FBXO42: variants seen among roughly 807,000 people sequenced by gnomAD.
The protein encoded by FBXO42 is F-box only protein 42.
Under a neutral mutation model 71.7 loss-of-function variants are expected in FBXO42, and 12 were observed. The observed-to-expected ratio is 0.17, with a 90% confidence interval of 0.11 to 0.27. The LOEUF (loss-of-function observed/expected upper bound fraction) is 0.27, where lower values mean the gene tolerates loss of function less well. FBXO42 is among the 10% of genes least tolerant of loss of function. The probability of loss-of-function intolerance (pLI) is 1.00; values close to 1 mark genes in which losing one functional copy is unlikely to be tolerated. For missense variants in FBXO42, 707 were observed against 911.9 expected, an observed-to-expected ratio of 0.78 and a Z score of 2.89; for synonymous variants, 325 against 327.5, an observed-to-expected ratio of 0.99 and a Z score of 0.08.
At chr1:16,333,764 T>C (rs1167677506) in intron 1 of FBXO42, among the ~76,000 whole-genome samples, 3 of 152,142 alleles carry the variant, frequency 2.0e-5, no homozygotes, top group Admixed American at 6.6e-5. Flanking sequence ...AATGTGAAAA[T>C]TGCCAATACC....
intron 1 of FBXO42, among the ~76,000 whole-genome samples, chr1:16,325,299 A>AT (rs1446075002): frequency 1.3e-5 from 2 of 151,978 alleles, no homozygotes; most frequent in East Asian, 1.9e-4. Flanking sequence ...TAAAAAACAC[A>AT]TTTTTTACCC....
At chr1:16,329,743 T>G (rs1475274871) in intron 1 of FBXO42, among the ~76,000 whole-genome samples, 2 of 150,424 alleles carry the variant, frequency 1.3e-5, no homozygotes, top group African/African-American at 4.9e-5. Context: ...AGGTCAGGAG[T>G]TTGAGACCAG....
chr1:16,332,790 C>T (rs971504134), intron 1 of FBXO42, among the ~76,000 whole-genome samples: 1 of 152,144 alleles, frequency 6.6e-6, no homozygotes, highest in African/African-American at 2.4e-5. Flanking sequence ...ATATGCCTGC[C>T]TCGGCCTCCC....
intron 3 of FBXO42, among the ~76,000 whole-genome samples, chr1:16,298,149 C>G (rs992056456): frequency 6.6e-6 from 1 of 152,068 alleles, no homozygotes; most frequent in Non-Finnish European, 1.5e-5. Flanking sequence ...TCGCTCGAAC[C>G]CGGGAGGTGG....
intron 1 of FBXO42, among the ~76,000 whole-genome samples, chr1:16,347,720 T>C (rs1467917861): frequency 6.6e-6 from 1 of 152,108 alleles, no homozygotes; most frequent in Non-Finnish European, 1.5e-5. Flanking sequence ...GCAGGCACAG[T>C]GGCTCACGCC....
At chr1:16,253,375 T>C (rs1428278657) in intron 7 of FBXO42, 5 of 594,870 alleles carry the variant, frequency 8.4e-6, no homozygotes, top group South Asian at 2.2e-5. Context: ...AATATTAACA[T>C]GAATGTCAAC....
intron 2 of FBXO42, among the ~76,000 whole-genome samples, chr1:16,313,362 AAGAAAGAAAG>A (rs1286065895): frequency 7.3e-6 from 1 of 136,524 alleles, no homozygotes; most frequent in Non-Finnish European, 1.7e-5. Context: ...GAAAGAAAGA[AAGAAAGAAAG>A]AGAAAAGAAA....
At chr1:16,270,217 G>A (rs910114941) in intron 4 of FBXO42, among the ~76,000 whole-genome samples, 1 of 152,030 alleles carries the variant, frequency 6.6e-6, no homozygotes, top group Non-Finnish European at 1.5e-5. Context: ...ATCCAGGAAC[G>A]AATTAATCCA....
chr1:16,331,483 G>A (rs761701231), intron 1 of FBXO42, among the ~76,000 whole-genome samples: 5 of 151,476 alleles, frequency 3.3e-5, no homozygotes, highest in Non-Finnish European at 4.4e-5. Flanking sequence ...GGCTTGGTGC[G>A]GTGGCTCATG....
rs1193278764 is a variant in FBXO42, at chr1:16,313,370, A to AAGAG, written c.250+1795_250+1798dup. On this transcript the variant is annotated intron_variant, in intron 2 of 9. Coordinates refer to ENST00000375592, the MANE Select transcript of FBXO42 (RefSeq NM_018994.3). ...AAAGAAAGAAAGAAAGAAAGAAAGA[A>AAGAG]AGAGAAAAGAAAGAAAACCAAAATA... Among the ~76,000 whole-genome samples, 449 of 146,564 alleles carry AAGAG rather than the reference A, an allele frequency of 3.1e-3. 3 individuals carry two copies. Among genetic ancestry groups the AAGAG allele is most frequent in the Non-Finnish European group, 4.4e-3 (291 of 65,822 alleles).
intron 1 of FBXO42, among the ~76,000 whole-genome samples, chr1:16,344,472 C>A (rs1243896385): frequency 1.0e-4 from 15 of 147,666 alleles, no homozygotes; most frequent in Non-Finnish European, 1.2e-4. Flanking sequence ...GCACATACCA[C>A]CACACCCAGC....
chr1:16,286,917 C>T (rs2082027627), intron 4 of FBXO42, among the ~76,000 whole-genome samples: 1 of 152,148 alleles, frequency 6.6e-6, no homozygotes, highest in Non-Finnish European at 1.5e-5. Context: ...TCAAATCCAC[C>T]CAGTTCTTAC....
intron 4 of FBXO42, among the ~76,000 whole-genome samples, chr1:16,266,000 C>T (rs1163347493): frequency 1.3e-5 from 2 of 151,768 alleles, no homozygotes; most frequent in Non-Finnish European, 2.9e-5. Flanking sequence ...TCTAGTCTTA[C>T]ACACTTCAGA....
At chr1:16,306,401 A>G (rs2082251495) in intron 2 of FBXO42, among the ~76,000 whole-genome samples, 1 of 152,226 alleles carries the variant, frequency 6.6e-6, no homozygotes, top group African/African-American at 2.4e-5. Context: ...CTGAAAGGCA[A>G]TCCTTCCATT....
At chr1:16,337,043 A>T (rs2082558881) in intron 1 of FBXO42, among the ~76,000 whole-genome samples, 1 of 152,216 alleles carries the variant, frequency 6.6e-6, no homozygotes. Context: ...ACAAGTGCAC[A>T]TATTTTATCT....
Position 16,253,150 on chromosome 1 carries a change from A to G in FBXO42, c.867T>C (p.Ile289=). 1 of 1,612,940 alleles carries G rather than the reference A, an allele frequency of 6.2e-7. No homozygotes were observed. Among genetic ancestry groups the G allele is most frequent in the Non-Finnish European group, 8.5e-7 (1 of 1,179,556 alleles). The stretch of plus-strand genomic sequence containing the variant: ...TTAAGATAGTTGCATCATCTATGAC[A>G]ATCTGAGGAGGGGAAGACATTGAAA... ...SPHPRGGQSQ[I]VIDDATILIL... The change falls in exon 8 of 10, where the codon ATT becomes ATC. Residue 289 remains isoleucine (I), a splice_region_variant and synonymous_variant. Coordinates refer to ENST00000375592, the MANE Select transcript of FBXO42 (RefSeq NM_018994.3).
intron 2 of FBXO42, among the ~76,000 whole-genome samples, chr1:16,313,154 A>T (rs979017142): frequency 6.8e-6 from 1 of 146,150 alleles, no homozygotes; most frequent in African/African-American, 2.4e-5. Context: ...CTTTAAAAAA[A>T]AAGTCTACTA....
chr1:16,334,987 G>A (rs2082538125), intron 1 of FBXO42, among the ~76,000 whole-genome samples: 1 of 137,308 alleles, frequency 7.3e-6, no homozygotes, highest in African/African-American at 2.8e-5. Flanking sequence ...AGCACTGTGG[G>A]AAGCCAAGGT....
Position 16,290,302 on chromosome 1 carries a change from G to A in FBXO42, c.502+4481C>T, listed in dbSNP as rs138074635. On this transcript the variant is annotated intron_variant, in intron 4 of 9. Coordinates refer to ENST00000375592, the MANE Select transcript of FBXO42 (RefSeq NM_018994.3). The stretch of plus-strand genomic sequence containing the variant: ...CAAATCCATATGGTGAAGCCCTAAC[G>A]CCAAGGTGATGCTATGGTGGAGATG... 1.3e-4 allele frequency among the ~76,000 whole-genome samples: 20 copies of A among 152,268 alleles called. No homozygotes were observed. The East Asian group carries it at 3.3e-3, about 25-fold the overall frequency.
Sources: gnomAD v4.1 joint callset for allele counts (sites outside exome capture counted in the v4.1 genomes callset) on GRCh38, gnomAD v4.1.1 for gene constraint, MANE v1.5 for transcripts, NCBI Gene and HGNC (gene_info 2026-07-23, HGNC 2026-07-21) for gene names.